The following RIPK2 variants were observed in gnomAD, a reference collection of about 807,000 sequenced individuals.
The protein encoded by RIPK2 is receptor interacting serine/threonine kinase 2.
Under a neutral mutation model 60.9 loss-of-function variants are expected in RIPK2, and 38 were observed. The ratio of observed to expected loss-of-function variants is 0.62; its 90% confidence interval spans 0.48 to 0.82. The LOEUF (loss-of-function observed/expected upper bound fraction) is 0.82, where lower values mean the gene tolerates loss of function less well. RIPK2 is among the 40% of genes least tolerant of loss of function. The pLI is 0.00. For missense variants in RIPK2, 518 were observed against 647.0 expected, an observed-to-expected ratio of 0.80 and a Z score of 2.16; for synonymous variants, 225 against 223.4, an observed-to-expected ratio of 1.01 and a Z score of -0.06.
rs16900617 is a variant in RIPK2, at chr8:89,790,263, A to G, written c.1470A>G (p.Leu490=). ...CAAGGACCTCAAAAGTCAGACAATTACTAGACACTACTGACATCCAAGGAG... is the reference window on the plus strand; with the variant it reads ...CAAGGACCTCAAAAGTCAGACAATTGCTAGACACTACTGACATCCAAGGAG... ...KPTRTSKVRQ[L]LDTTDIQGEE... is the part of the protein sequence containing the mutation. Residue 490 remains leucine (L), a synonymous_variant, in exon 11 of 11, where the codon TTA becomes TTG. Transcript: ENST00000220751. 0.013 allele frequency: 20,882 copies of G among 1,614,028 alleles called. 1,553 individuals carry two copies. The African/African-American group carries it at 0.19, about 15-fold the overall frequency.
At chr8:89,772,934 A>G in intron 6 of RIPK2, 106 bp downstream of exon 6, 2 of 654,532 alleles carry the variant, frequency 3.1e-6, no homozygotes, top group Non-Finnish European at 4.7e-6. Context: ...ACTAGCTAGA[A>G]GTTGTTTAAA....
intron 6 of RIPK2, among the ~76,000 whole-genome samples, chr8:89,773,734 A>G (rs1436133027): frequency 6.6e-6 from 1 of 152,200 alleles, no homozygotes; most frequent in Non-Finnish European, 1.5e-5. Context: ...AGAGTTACAG[A>G]ATTAAGATAG....
rs746699130 is a variant in RIPK2, at chr8:89,762,814, A to AT, written c.174-6dup. 1.3e-3 allele frequency: 1,635 copies of AT among 1,260,936 alleles called. No individual in the cohort carries two copies. The highest frequency in any genetic ancestry group is 2.6e-3 in the South Asian group (132 of 50,710). 78.1% of individuals were successfully genotyped at this position (1,260,936 alleles called of 1,614,324 possible). On this transcript the variant is annotated splice_polypyrimidine_tract_variant and intron_variant, in intron 1 of 10. Coordinates refer to ENST00000220751, the MANE Select transcript of RIPK2 (RefSeq NM_003821.6). The stretch of plus-strand genomic sequence containing the variant: ...TTTTTTATTACTTGAATAATTATGC[A>AT]TTTTTTTTTCTTAGTGAAAGAAAGG...
intron 10 of RIPK2, 77 bp downstream of exon 10, chr8:89,789,559 AATGAGGTTTGTCTTTATTTCCTCAAT>A (rs1450273846): frequency 2.9e-6 from 4 of 1,370,898 alleles, no homozygotes; most frequent in Non-Finnish European, 4.0e-6. Context: ...TTTACCATAC[AATGAGGTTTGTCTTTATTTCCTCAAT>A]ATGATAAATA....
chr8:89,764,823 A>G (rs1395501054), intron 2 of RIPK2, among the ~76,000 whole-genome samples: 1 of 152,112 alleles, frequency 6.6e-6, no homozygotes, highest in Non-Finnish European at 1.5e-5. Context: ...AATAAATACA[A>G]TATGATCATA....
At chr8:89,759,391 C>T (rs1256925230) in intron 1 of RIPK2, 1 of 456,292 alleles carries the variant, frequency 2.2e-6, no homozygotes, top group Admixed American at 2.3e-5. Context: ...CTCTTCTCCT[C>T]CTCCTATATC....
chr8:89,785,791 G>A (rs544186313), intron 8 of RIPK2, among the ~76,000 whole-genome samples: 2 of 152,314 alleles, frequency 1.3e-5, no homozygotes, highest in Non-Finnish European at 2.9e-5. Context: ...AGACAGTGCG[G>A]ATAATAGAGC....
intron 4 of RIPK2, 134 bp downstream of exon 4, chr8:89,770,063 CCCCA>C (rs1428982258): frequency 3.1e-6 from 2 of 642,238 alleles, no homozygotes; most frequent in Non-Finnish European, 4.9e-6. Context: ...AAACTTGAGG[CCCCA>C]CGGTGATTAA....
chr8:89,758,026 G>C lies in RIPK2; in HGVS notation c.-35G>C. The stretch of plus-strand genomic sequence containing the variant: ...GAGCCTTGGGAGCCGCCGCAGCAGG[G>C]GGCACACCCGGAACCGGCCTGAGCG... On this transcript the variant is annotated 5_prime_UTR_variant, in exon 1 of 11. Transcript: ENST00000220751. 6.5e-7 allele frequency: 1 copy of C among 1,530,056 alleles called. No individual in the cohort carries two copies. Among genetic ancestry groups the C allele is most frequent in the Non-Finnish European group, 8.8e-7 (1 of 1,135,066 alleles). 94.8% of individuals were successfully genotyped at this position (1,530,056 alleles called of 1,614,324 possible). A position where few individuals can be genotyped will look rare whatever the true frequency, so the allele number is the denominator to read the frequency against.
At chr8:89,789,842 C>T (rs1809646154) in intron 10 of RIPK2, among the ~76,000 whole-genome samples, 1 of 152,056 alleles carries the variant, frequency 6.6e-6, no homozygotes, top group South Asian at 2.1e-4. Flanking sequence ...GTGGTTTTTG[C>T]CCCGTGATTT....
At chr8:89,782,423 T>C (rs1453318253) in intron 7 of RIPK2, among the ~76,000 whole-genome samples, 1 of 152,164 alleles carries the variant, frequency 6.6e-6, no homozygotes, top group Non-Finnish European at 1.5e-5. Flanking sequence ...GACTACCGTA[T>C]AGGGAAGTTA....
intron 7 of RIPK2, among the ~76,000 whole-genome samples, chr8:89,783,584 C>G (rs1196228515): frequency 6.6e-6 from 1 of 152,130 alleles, no homozygotes; most frequent in Non-Finnish European, 1.5e-5. Context: ...TTTACTTAGT[C>G]CAAGCCTCAA....
chr8:89,769,898 T>A lies in RIPK2; in HGVS notation c.610T>A (p.Ser204Thr). Reference sequence around the variant, plus strand: ...TGAAAACTATGAACCTGGACAAAAATCAAGGGCCAGTATCAAGCACGATAT... The same window carrying A: ...TGAAAACTATGAACCTGGACAAAAAACAAGGGCCAGTATCAAGCACGATAT... ...PPENYEPGQKSRASIKHDIYS... is the reference protein window; with the variant it reads ...PPENYEPGQKTRASIKHDIYS... The change falls in exon 4 of 11, where the codon TCA becomes ACA. Residue 204 changes from serine (S) to threonine (T), a missense_variant. This residue lies in a region of RIPK2 where 448 missense variants were observed against 534.7 expected (regional missense o/e 0.84). Coordinates refer to ENST00000220751, the MANE Select transcript of RIPK2 (RefSeq NM_003821.6). The A allele has an allele frequency of 6.2e-7, 1 of 1,607,626 alleles. No individual in the cohort carries two copies. The highest frequency in any genetic ancestry group is 8.5e-7 in the Non-Finnish European group (1 of 1,176,678).
In RIPK2 at chr8:89,758,428, G is replaced by A. The variant is rs145536292; in HGVS notation, c.173+195G>A. Among the ~76,000 whole-genome samples the A allele has an allele frequency of 2.0e-5, 3 of 152,294 alleles. No homozygotes were observed. The East Asian group carries it at 5.8e-4, about 29-fold the overall frequency. On this transcript the variant is annotated intron_variant, in intron 1 of 10. Transcript: ENST00000220751. The stretch of plus-strand genomic sequence containing the variant: ...AAGCTCTGGCACCGTAGGGAGCACA[G>A]GCTTCTCTGGAGATGCAGCAGTTGC...
intron 1 of RIPK2, among the ~76,000 whole-genome samples, chr8:89,761,842 C>T (rs1809151320): frequency 2.0e-5 from 3 of 152,196 alleles, no homozygotes; most frequent in Admixed American, 2.0e-4. Context: ...ATGTCCCTAA[C>T]CTGTCTTATT....
At position 89,788,449 on chromosome 8, in the gene RIPK2, G is replaced by A. The variant is rs188739429; in HGVS notation, c.1124-872G>A. On this transcript the variant is annotated intron_variant, in intron 9 of 10. Transcript: ENST00000220751. ...ATTTGAGGTACTAGGAGCACACAAA[G>A]GGTTGATGGCCAGAGGGCTTTTGAA... Among the ~76,000 whole-genome samples, 174 of 152,162 alleles carry A rather than the reference G, an allele frequency of 1.1e-3. 1 individual carries two copies. Among genetic ancestry groups the A allele is most frequent in the Non-Finnish European group, 3.1e-4 (21 of 68,014 alleles).
intron 6 of RIPK2, among the ~76,000 whole-genome samples, chr8:89,774,282 A>G (rs1157945788): frequency 6.6e-6 from 1 of 152,212 alleles, no homozygotes; most frequent in Non-Finnish European, 1.5e-5. Context: ...ATAGCTAAAA[A>G]GCACATAAAA....
rs552832793 is a variant in RIPK2 at position 89,759,508 on chromosome 8, AC to A, written c.173+1277del. 465 of 417,076 alleles carry A rather than the reference AC, an allele frequency of 1.1e-3. 2 individuals carry two copies. The highest frequency in any genetic ancestry group is 8.5e-3 in the African/African-American group (421 of 49,336). The allele number at this position is 417,076 out of a possible 1,614,324, so 25.8% of individuals were successfully genotyped here. On this transcript the variant is annotated intron_variant, in intron 1 of 10. Coordinates refer to ENST00000220751, the MANE Select transcript of RIPK2 (RefSeq NM_003821.6). ...GCCCTGCCAAAGTTACTGGATTTTC[AC>A]CTGCCTGTGGCTTTTCTTCATTGTC...
intron 4 of RIPK2, among the ~76,000 whole-genome samples, chr8:89,771,310 A>G (rs1051106036): frequency 6.6e-6 from 1 of 151,904 alleles, no homozygotes; most frequent in Non-Finnish European, 1.5e-5. Flanking sequence ...TGTAATTGAC[A>G]TCTGAAGTTA....
Sources: allele counts gnomAD v4.1 joint callset (sites outside exome capture counted in the v4.1 genomes callset), GRCh38; gene constraint gnomAD v4.1.1; regional missense constraint gnomAD v4.1.1; transcripts MANE v1.5; gene names NCBI Gene and HGNC (gene_info 2026-07-23, HGNC 2026-07-21).